Variants in SYN2 observed in about 807,000 individuals in gnomAD.
SYN2 encodes synapsin-2.
A neutral mutation model predicts 50.9 loss-of-function variants in SYN2; 19 were observed. The observed-to-expected ratio is 0.37, with a 90% CI of 0.26 to 0.55. SYN2 has a LOEUF of 0.55. SYN2 is among the 20% of genes least tolerant of loss of function. SYN2 has a pLI of 0.81. For synonymous variants in SYN2, 255 were observed against 224.9 expected, an observed-to-expected ratio of 1.13 and a Z score of -1.20; for missense variants, 587 against 576.4, an observed-to-expected ratio of 1.02 and a Z score of -0.19.
At chr3:12,180,140 C>A (rs575084286) in intron 10 of SYN2, among the ~76,000 whole-genome samples, 1 of 151,940 alleles carries the variant, frequency 6.6e-6, no homozygotes, top group East Asian at 1.9e-4. Flanking sequence ...GTAGAGACAG[C>A]GTTTCATCAT....
chr3:12,112,241 C>T (rs1158252514), intron 1 of SYN2, among the ~76,000 whole-genome samples: 1 of 152,132 alleles, frequency 6.6e-6, no homozygotes, highest in Non-Finnish European at 1.5e-5. Context: ...TCTGCTATCC[C>T]CTGCCCCATT....
At chr3:12,027,980 CTTTTT>C (rs147917648) in intron 1 of SYN2, among the ~76,000 whole-genome samples, 2 of 145,920 alleles carry the variant, frequency 1.4e-5, no homozygotes, top group African/African-American at 2.6e-5. Context: ...TGCTCTACTT[CTTTTT>C]TTTATTTTTT....
At chr3:12,041,915 G>A (rs918043130) in intron 1 of SYN2, among the ~76,000 whole-genome samples, 4 of 152,102 alleles carry the variant, frequency 2.6e-5, no homozygotes, top group Admixed American at 1.3e-4. Flanking sequence ...CGCTCAAAAC[G>A]TTCCTTTCTT....
At chr3:12,127,174 G>A (rs1016249287) in intron 1 of SYN2, among the ~76,000 whole-genome samples, 2 of 152,160 alleles carry the variant, frequency 1.3e-5, no homozygotes, top group African/African-American at 4.8e-5. Flanking sequence ...AGCTTGAGTT[G>A]GTTTTTAAAA....
intron 1 of SYN2, among the ~76,000 whole-genome samples, chr3:12,014,070 C>T (rs1273304729): frequency 6.6e-6 from 1 of 152,176 alleles, no homozygotes; most frequent in East Asian, 1.9e-4. Flanking sequence ...TATGCCCCCT[C>T]CATGCCCTCT....
chr3:12,115,796 A>G (rs1373715450), intron 1 of SYN2, among the ~76,000 whole-genome samples: 2 of 152,136 alleles, frequency 1.3e-5, no homozygotes. Context: ...CACTCAGTAC[A>G]CTATGTAGCA....
chr3:12,135,280 C>T (rs1696874019), intron 1 of SYN2, among the ~76,000 whole-genome samples: 1 of 152,194 alleles, frequency 6.6e-6, no homozygotes, highest in Non-Finnish European at 1.5e-5. Flanking sequence ...GATTTTTACC[C>T]TAACAGTGTA....
intron 1 of SYN2, among the ~76,000 whole-genome samples, chr3:12,137,399 A>T (rs746939568): frequency 6.6e-6 from 1 of 152,184 alleles, no homozygotes; most frequent in Non-Finnish European, 1.5e-5. Flanking sequence ...GGTGGGGGAC[A>T]GTTTGGGAAT....
At chr3:12,093,891 C>G (rs1695878396) in intron 1 of SYN2, among the ~76,000 whole-genome samples, 1 of 143,156 alleles carries the variant, frequency 7.0e-6, no homozygotes, top group African/African-American at 2.6e-5. Flanking sequence ...GAGTCTTGCT[C>G]TGTTGCCCAG....
chr3:12,070,246 C>A, intron 1 of SYN2: 2 of 444,558 alleles, frequency 4.5e-6, no homozygotes, highest in Non-Finnish European at 4.5e-6. Flanking sequence ...GATTGCCATG[C>A]TGGTCATTGA....
intron 1 of SYN2, among the ~76,000 whole-genome samples, chr3:12,065,872 A>G (rs1248075884): frequency 6.6e-6 from 1 of 152,216 alleles, no homozygotes; most frequent in African/African-American, 2.4e-5. Context: ...GAAATTATTT[A>G]AAAAGCCAGT....
intron 1 of SYN2, among the ~76,000 whole-genome samples, chr3:12,008,207 A>G (rs544137076): frequency 6.6e-6 from 1 of 152,152 alleles, no homozygotes; most frequent in African/African-American, 2.4e-5. Context: ...TTCTGACCCC[A>G]GTGATCAAGT....
Position 12,142,005 on chromosome 3 carries a change from C to G in SYN2, c.527+9C>G, listed in dbSNP as rs758992657. The G allele has an allele frequency of 9.0e-6, 7 of 780,690 alleles. No homozygotes were observed. The highest frequency in any genetic ancestry group is 8.0e-5 in the South Asian group (6 of 74,602). 48.4% of individuals were successfully genotyped at this position (780,690 alleles called of 1,614,324 possible). ...GGCACAAAGGTTGTCCGGTAAGGGT[C>G]TTTCTGTCCTCAGGATCATTGTGAC... On this transcript the variant is annotated intron_variant, in intron 3 of 12. Transcript: ENST00000621198.
chr3:12,046,189 G>A (rs73813106), intron 1 of SYN2, among the ~76,000 whole-genome samples: 13,754 of 152,116 alleles, frequency 0.09, 2,039 homozygotes, highest in African/African-American at 0.31. Context: ...TGAATAAAAT[G>A]AATGAATGTC....
intron 1 of SYN2, among the ~76,000 whole-genome samples, chr3:12,008,092 CT>C (rs1435179229): frequency 6.6e-6 from 1 of 152,182 alleles, no homozygotes; most frequent in Non-Finnish European, 1.5e-5. Context: ...AATGATCGTG[CT>C]TAAACAAGGA....
intron 1 of SYN2, chr3:12,070,359 G>A (rs1695321735): frequency 1.9e-6 from 1 of 514,934 alleles, no homozygotes; most frequent in Non-Finnish European, 3.9e-6. Context: ...GCACGATGGT[G>A]GGCATGGGTC....
At chr3:12,036,370 C>CAGTG (rs1694498334) in intron 1 of SYN2, among the ~76,000 whole-genome samples, 7 of 152,174 alleles carry the variant, frequency 4.6e-5, no homozygotes, top group Non-Finnish European at 7.3e-5. Flanking sequence ...GAGGAGATTG[C>CAGTG]CATGGCTCCA....
At chr3:12,065,687 C>A (rs977212605) in intron 1 of SYN2, among the ~76,000 whole-genome samples, 4 of 152,060 alleles carry the variant, frequency 2.6e-5, no homozygotes, top group African/African-American at 9.7e-5. Flanking sequence ...ACAGTAGACA[C>A]TGGGGACTAC....
intron 1 of SYN2, among the ~76,000 whole-genome samples, chr3:12,087,301 G>C (rs1250780829): frequency 6.6e-6 from 1 of 152,116 alleles, no homozygotes; most frequent in Non-Finnish European, 1.5e-5. Context: ...GTGTTCTACA[G>C]ATTCAGTGTA....
Sources: gnomAD v4.1 joint callset for allele counts (sites outside exome capture counted in the v4.1 genomes callset) on GRCh38, gnomAD v4.1.1 for gene constraint, MANE v1.5 for transcripts, NCBI Gene and HGNC (gene_info 2026-07-23, HGNC 2026-07-21) for gene names.